The following SCRG1 variants were observed in gnomAD, a reference collection of about 807,000 sequenced individuals.
SCRG1 encodes scrapie-responsive protein 1.
SCRG1 carries 3 observed loss-of-function variants against 7.7 expected under a neutral mutation model. That is an observed-to-expected ratio of 0.39 (90% CI 0.18 to 1.01). The LOEUF (loss-of-function observed/expected upper bound fraction) is 1.01. Ranked by LOEUF, SCRG1 falls within the 50% of genes least tolerant of loss-of-function variation. SCRG1 has a pLI of 0.36. For missense variants in SCRG1, 110 were observed against 117.2 expected (o/e 0.94, Z 0.28); for synonymous variants, 46 against 41.2 (o/e 1.12, Z -0.44).
chr4:173,416,492 C>G, the SCRG1 span, among the ~76,000 whole-genome samples: 1 of 152,222 alleles, frequency 6.6e-6, no homozygotes, highest in African/African-American at 2.4e-5. Context: ...CGGTGGCGCG[C>G]CTGTGGTCCG....
the SCRG1 span, among the ~76,000 whole-genome samples, chr4:173,411,562 T>C: frequency 6.6e-6 from 1 of 152,154 alleles, no homozygotes; most frequent in East Asian, 1.9e-4. Context: ...TAGCAACCTG[T>C]ATGGTGGCAT....
chr4:173,448,650 G>A, the SCRG1 span, among the ~76,000 whole-genome samples: 3 of 152,192 alleles, frequency 2.0e-5, no homozygotes, highest in African/African-American at 7.2e-5. Context: ...TGCATTCAGA[G>A]AGGAATGATG....
chr4:173,482,486 C>A, the SCRG1 span, among the ~76,000 whole-genome samples: 434 of 152,190 alleles, frequency 2.9e-3, no homozygotes, highest in African/African-American at 9.9e-3. Flanking sequence ...TTGATCTGGG[C>A]TGGCCTTGTG....
chr4:173,396,953 T>C (rs34803696), intron 1 of SCRG1, among the ~76,000 whole-genome samples: 59,493 of 151,806 alleles, frequency 0.39, 13,821 homozygotes, highest in East Asian at 0.53. Flanking sequence ...CTCAGGAGGC[T>C]GAGGCAGGAG....
At chr4:173,479,872 C>A in the SCRG1 span, among the ~76,000 whole-genome samples, 1 of 152,092 alleles carries the variant, frequency 6.6e-6, no homozygotes, top group Admixed American at 6.5e-5. Flanking sequence ...TTGTGGTTGC[C>A]ATTACCTTAA....
At chr4:173,411,569 G>C in the SCRG1 span, among the ~76,000 whole-genome samples, 1 of 151,880 alleles carries the variant, frequency 6.6e-6, no homozygotes, top group Non-Finnish European at 1.5e-5. Flanking sequence ...CTGTATGGTG[G>C]CATATTTTAA....
rs1376286026 is a variant in SCRG1 at position 173,387,190 on chromosome 4, G to A, written c.*1151C>T. On this transcript the variant is annotated 3_prime_UTR_variant, in exon 3 of 3. Transcript: ENST00000296506. The stretch of plus-strand genomic sequence containing the variant: ...GGATACATCTGTGTGTGGCATATGG[G>A]CTTTGGAATTGGAACTCTTGAAAAT... 1.0e-5 allele frequency: 1 copy of A among 98,282 alleles called. No individual in the cohort carries two copies. Among genetic ancestry groups the A allele is most frequent in the African/African-American group, 3.6e-5 (1 of 27,398 alleles). The allele number at this position is 98,282 out of a possible 1,614,324, so 6.1% of individuals were successfully genotyped here. A position where few individuals can be genotyped will look rare whatever the true frequency, so the allele number is the denominator to read the frequency against.
chr4:173,461,375 T>C, the SCRG1 span, among the ~76,000 whole-genome samples: 2 of 152,236 alleles, frequency 1.3e-5, no homozygotes, highest in Admixed American at 1.3e-4. Flanking sequence ...AGAGAGACTC[T>C]GTATGTTTGG....
At chr4:173,507,357 C>T in the SCRG1 span, among the ~76,000 whole-genome samples, 1 of 152,130 alleles carries the variant, frequency 6.6e-6, no homozygotes, top group East Asian at 1.9e-4. The surrounding 1 kb of genome is among the most constrained non-coding windows in gnomAD (Gnocchi z 4.4). Flanking sequence ...TTACAGGCGC[C>T]TGCCACCACG....
the SCRG1 span, among the ~76,000 whole-genome samples, chr4:173,443,943 T>TTTTGTG: frequency 6.5e-5 from 9 of 138,696 alleles, no homozygotes; most frequent in Admixed American, 2.2e-4. Context: ...AGAGCTTGTT[T>TTTTGTG]TGTGTGTGTG....
chr4:173,415,366 A>C, the SCRG1 span, among the ~76,000 whole-genome samples: 23 of 152,232 alleles, frequency 1.5e-4, 1 homozygote, highest in South Asian at 3.9e-3. Flanking sequence ...TTTCCTTTTT[A>C]TTTCTTGCGG....
intron 1 of SCRG1, among the ~76,000 whole-genome samples, chr4:173,392,560 A>G (rs1358042166): frequency 2.0e-5 from 3 of 152,224 alleles, no homozygotes; most frequent in Non-Finnish European, 4.4e-5. Context: ...CAAGTACAGG[A>G]TTTGCATAGA....
chr4:173,501,092 G>A, the SCRG1 span, among the ~76,000 whole-genome samples: 1 of 152,154 alleles, frequency 6.6e-6, no homozygotes, highest in Non-Finnish European at 1.5e-5. This position sits in a 1 kb window ranked among gnomAD's most constrained non-coding sequence, Gnocchi z 5.1. Context: ...TTGCAGACTG[G>A]GGCCCCTCCA....
At chr4:173,459,940 C>G in the SCRG1 span, among the ~76,000 whole-genome samples, 1 of 152,144 alleles carries the variant, frequency 6.6e-6, no homozygotes, top group Non-Finnish European at 1.5e-5. Flanking sequence ...GACTGATATG[C>G]TAATTACTCT....
At chr4:173,502,027 T>C in the SCRG1 span, among the ~76,000 whole-genome samples, 1 of 152,082 alleles carries the variant, frequency 6.6e-6, no homozygotes, top group Non-Finnish European at 1.5e-5. This position sits in a 1 kb window ranked among gnomAD's most constrained non-coding sequence, Gnocchi z 4.6. Context: ...GGTGCGTTAA[T>C]GGAAGGAAGG....
At chr4:173,482,830 GCA>G in the SCRG1 span, among the ~76,000 whole-genome samples, 1 of 145,608 alleles carries the variant, frequency 6.9e-6, no homozygotes, top group Non-Finnish European at 1.5e-5. Flanking sequence ...ACACACACAT[GCA>G]CACACACATA....
chr4:173,498,773 T>C, the SCRG1 span, among the ~76,000 whole-genome samples: 4 of 152,198 alleles, frequency 2.6e-5, no homozygotes, highest in African/African-American at 4.8e-5. Context: ...TGCACACATA[T>C]ATACACACGG....
the SCRG1 span, among the ~76,000 whole-genome samples, chr4:173,505,982 T>C: frequency 6.6e-6 from 1 of 152,176 alleles, no homozygotes; most frequent in Non-Finnish European, 1.5e-5. The surrounding 1 kb of genome is among the most constrained non-coding windows in gnomAD (Gnocchi z 4.4). Flanking sequence ...GTTAATCCTC[T>C]CCTAGGTTTC....
the SCRG1 span, among the ~76,000 whole-genome samples, chr4:173,514,668 A>T: frequency 1.8e-3 from 267 of 152,354 alleles, no homozygotes; most frequent in African/African-American, 6.2e-3. Flanking sequence ...TGGCTGCTGG[A>T]TGCCAAAAAG....
Sources: allele counts gnomAD v4.1 joint callset (sites outside exome capture counted in the v4.1 genomes callset), GRCh38; gene constraint gnomAD v4.1.1; non-coding constraint Gnocchi (gnomAD v3.1); transcripts MANE v1.5; gene names NCBI Gene and HGNC (gene_info 2026-07-23, HGNC 2026-07-21).